The following XPR1 variants were observed in gnomAD, a reference collection of about 807,000 sequenced individuals.
XPR1 encodes the protein xenotropic and polytropic retrovirus receptor 1.
In XPR1, 28 loss-of-function variants were observed where a neutral mutation model predicts 87.5. The ratio of observed to expected loss-of-function variants is 0.32; its 90% CI spans 0.24 to 0.44. The LOEUF is 0.44. Ranked by LOEUF, XPR1 falls within the 20% of genes least tolerant of loss-of-function variation. The pLI is 1.00. For missense variants in XPR1, 559 were observed against 862.3 expected, an observed-to-expected ratio of 0.65 and a Z score of 4.41; for synonymous variants, 300 against 306.1, an observed-to-expected ratio of 0.98 and a Z score of 0.21.
intron 4 of XPR1, among the ~76,000 whole-genome samples, chr1:180,804,049 G>A (rs748552944): frequency 6.6e-6 from 1 of 150,566 alleles, no homozygotes; most frequent in South Asian, 2.1e-4. Context: ...AAAATGACAC[G>A]ATCTCGGCTC....
chr1:180,763,728 T>TA (rs1557996298), intron 2 of XPR1, among the ~76,000 whole-genome samples: 1 of 152,186 alleles, frequency 6.6e-6, no homozygotes. Context: ...CTTATAAAAT[T>TA]AAAGAGTGAC....
chr1:180,832,703 G>A (rs61811223), intron 9 of XPR1, among the ~76,000 whole-genome samples: 8,149 of 152,028 alleles, frequency 0.054, 312 homozygotes, highest in Non-Finnish European at 0.079. Flanking sequence ...GGTTGTGGAC[G>A]GTGTGGTGTT....
intron 1 of XPR1, among the ~76,000 whole-genome samples, chr1:180,644,427 C>T (rs1345098463): frequency 1.4e-5 from 2 of 146,514 alleles, no homozygotes; most frequent in Non-Finnish European, 3.0e-5. Context: ...TTTAAGATAA[C>T]GTTAATACTA....
At chr1:180,653,239 G>C (rs1655350287) in intron 1 of XPR1, among the ~76,000 whole-genome samples, 1 of 152,096 alleles carries the variant, frequency 6.6e-6, no homozygotes, top group East Asian at 1.9e-4. Context: ...ACCTGTACAG[G>C]GCTAACCTGT....
intron 3 of XPR1, among the ~76,000 whole-genome samples, chr1:180,800,402 G>A (rs983874661): frequency 2.0e-5 from 3 of 152,198 alleles, no homozygotes; most frequent in Non-Finnish European, 4.4e-5. Context: ...GAGTAGTCTC[G>A]AAGAGCTAAA....
At chr1:180,824,581 AAAAT>A (rs1231101374) in intron 7 of XPR1, among the ~76,000 whole-genome samples, 168 bp from the exon 8 acceptor site, 9 of 152,062 alleles carry the variant, frequency 5.9e-5, no homozygotes, top group African/African-American at 2.2e-4. Flanking sequence ...CTGTCTCAAA[AAAAT>A]AAATAGGTAG....
chr1:180,766,727 A>G (rs1648301313), intron 2 of XPR1, among the ~76,000 whole-genome samples: 1 of 152,216 alleles, frequency 6.6e-6, no homozygotes, highest in South Asian at 2.1e-4. Flanking sequence ...GAAAAAGTAC[A>G]AATGAAAATC....
intron 2 of XPR1, among the ~76,000 whole-genome samples, chr1:180,725,133 C>T (rs548466454): frequency 1.3e-5 from 2 of 152,294 alleles, no homozygotes; most frequent in East Asian, 3.9e-4. Context: ...ACTGAGGCTT[C>T]CCTTTCTCAA....
chr1:180,758,084 T>C (rs373368730), intron 2 of XPR1, among the ~76,000 whole-genome samples: 7 of 150,410 alleles, frequency 4.7e-5, no homozygotes, highest in Non-Finnish European at 1.5e-5. Context: ...GAAGGATATA[T>C]GTATACATAT....
At chr1:180,826,561 C>A (rs1198401814) in intron 9 of XPR1, among the ~76,000 whole-genome samples, 1 of 152,138 alleles carries the variant, frequency 6.6e-6, no homozygotes, top group Non-Finnish European at 1.5e-5. Flanking sequence ...AAGGAAAAAA[C>A]AAAGAAAGAA....
intron 2 of XPR1, among the ~76,000 whole-genome samples, chr1:180,708,436 G>A (rs1040054383): frequency 1.3e-5 from 2 of 152,136 alleles, no homozygotes; most frequent in Non-Finnish European, 2.9e-5. Flanking sequence ...CCATTGAATT[G>A]TACTCTTAAT....
chr1:180,706,898 G>A (rs755452620), intron 2 of XPR1, among the ~76,000 whole-genome samples: 4 of 152,066 alleles, frequency 2.6e-5, no homozygotes, highest in Admixed American at 6.6e-5. Flanking sequence ...GATTACAGGC[G>A]TGAACCACCA....
chr1:180,675,644 C>T (rs1656345315), intron 1 of XPR1, among the ~76,000 whole-genome samples: 1 of 152,120 alleles, frequency 6.6e-6, no homozygotes, highest in Admixed American at 6.5e-5. Context: ...TATGAATACA[C>T]ATTGATTTAT....
At chr1:180,659,369 GTCCGTCCTTCCGTCCT>G (rs1469866497) in intron 1 of XPR1, among the ~76,000 whole-genome samples, 3 of 60,564 alleles carry the variant, frequency 5.0e-5, no homozygotes, top group East Asian at 6.0e-4. Context: ...CCGTCCTTCC[GTCCGTCCTTCCGTCCT>G]TCCTTCCTTC....
intron 2 of XPR1, among the ~76,000 whole-genome samples, chr1:180,683,236 A>G (rs1213942022): frequency 2.7e-5 from 4 of 150,136 alleles, no homozygotes; most frequent in African/African-American, 9.8e-5. Context: ...TGTCCTTGCG[A>G]TAGTTTGCTG....
At chr1:180,632,815 G>T (rs1654636123) in intron 1 of XPR1, among the ~76,000 whole-genome samples, 1 of 152,222 alleles carries the variant, frequency 6.6e-6, no homozygotes, top group Non-Finnish European at 1.5e-5. Context: ...GTTGACAAAG[G>T]CTTTGTAACG....
At chr1:180,688,809 AT>A (rs1328650594) in intron 2 of XPR1, among the ~76,000 whole-genome samples, 1 of 152,126 alleles carries the variant, frequency 6.6e-6, no homozygotes, top group East Asian at 1.9e-4. Context: ...TGTCTCAGTA[AT>A]TTTATGGAAT....
Position 180,693,600 on chromosome 1 carries a change from G to T in XPR1, c.121+11189G>T, listed in dbSNP as rs528177061. 2.2e-4 allele frequency among the ~76,000 whole-genome samples: 33 copies of T among 152,300 alleles called. No homozygotes were observed. In the South Asian group the frequency reaches 4.6e-3, roughly 21 times the overall value. ...TCTCTCACAGTTTTGGAGGCCAGAA[G>T]TCTGAAATCAAGGTGTCTGCAGGGC... On this transcript the variant is annotated intron_variant, in intron 2 of 14. Transcript: ENST00000367590.
At chr1:180,787,665 C>G in intron 2 of XPR1, 88 bp from the exon 3 acceptor site, 1 of 914,996 alleles carries the variant, frequency 1.1e-6, no homozygotes, top group South Asian at 1.7e-5. Context: ...ATTTTAAAAA[C>G]TCAAAAAGTA....
Sources: allele counts gnomAD v4.1 joint callset (sites outside exome capture counted in the v4.1 genomes callset), GRCh38; gene constraint gnomAD v4.1.1; transcripts MANE v1.5; gene names NCBI Gene and HGNC (gene_info 2026-07-23, HGNC 2026-07-21).